The following MAST2 variants were observed in gnomAD, a reference collection of about 807,000 sequenced individuals.
MAST2 encodes microtubule-associated serine/threonine-protein kinase 2.
Under a neutral mutation model 147.4 loss-of-function variants are expected in MAST2, and 70 were observed. The ratio of observed to expected loss-of-function variants is 0.47; its 90% CI spans 0.39 to 0.58. The LOEUF is 0.58. MAST2 is among the 20% of genes least tolerant of loss of function. MAST2 has a pLI of 0.00. For synonymous variants in MAST2, 869 were observed against 896.8 expected (o/e 0.97, Z 0.55); for missense variants, 2,080 against 2,302.3 (o/e 0.90, Z 1.98).
intron 4 of MAST2, among the ~76,000 whole-genome samples, chr1:45,937,791 TGTAAGCAATTCAAC>T (rs1656511397): frequency 6.7e-6 from 1 of 149,052 alleles, no homozygotes; most frequent in South Asian, 2.1e-4. Flanking sequence ...AATTACCCAT[TGTAAGCAATTCAAC>T]GTAAGCGATT....
At chr1:45,825,906 G>A (rs1044110304) in intron 2 of MAST2, among the ~76,000 whole-genome samples, 5 of 151,860 alleles carry the variant, frequency 3.3e-5, no homozygotes, top group African/African-American at 7.2e-5. Context: ...GCAAAACCCC[G>A]TCTCTACTAA....
intron 4 of MAST2, among the ~76,000 whole-genome samples, chr1:45,906,645 A>G (rs1056763916): frequency 7.4e-5 from 11 of 148,392 alleles, no homozygotes; most frequent in Non-Finnish European, 1.5e-4. Context: ...TATATGATAC[A>G]ATTATATAAT....
chr1:45,884,261 C>T (rs561364565), intron 4 of MAST2, among the ~76,000 whole-genome samples: 5 of 152,000 alleles, frequency 3.3e-5, no homozygotes, highest in Admixed American at 6.6e-5. Context: ...GTAATATCTA[C>T]TCTGGGTCAG....
At chr1:45,816,817 A>G (rs1644470302) in intron 1 of MAST2, among the ~76,000 whole-genome samples, 1 of 152,108 alleles carries the variant, frequency 6.6e-6, no homozygotes, top group East Asian at 1.9e-4. Flanking sequence ...AGCTGGGATT[A>G]CAGGTGTGTG....
intron 5 of MAST2, among the ~76,000 whole-genome samples, chr1:45,963,216 C>G (rs913809925): frequency 3.9e-5 from 6 of 152,140 alleles, no homozygotes; most frequent in Non-Finnish European, 8.8e-5. Context: ...CAGCTTTGTT[C>G]TTTTGGCTTA....
In MAST2 at chr1:46,035,294, G is replaced by C. The variant is rs778959679; in HGVS notation, c.4625G>C (p.Gly1542Ala). The change falls in exon 29 of 29, where the codon GGG (glycine) becomes GCG (alanine). Residue 1542 changes from glycine to alanine, a missense_variant. Coordinates refer to ENST00000361297, the MANE Select transcript of MAST2 (RefSeq NM_015112.3). This position sits in a 1 kb window ranked among gnomAD's most constrained non-coding sequence, Gnocchi z 5.5. ...GCCCCTAAAGGAGCAGGAGAGAGTG[G>C]GGAAGAGGATCCTTTCCCGTCCAGA... is the stretch of plus-strand genomic sequence containing the variant. ...SVAPKGAGES[G>A]EEDPFPSRDP... is the part of the protein sequence containing the mutation. 6.2e-6 allele frequency: 10 copies of C among 1,613,968 alleles called. No individual in the cohort carries two copies. The highest frequency in any genetic ancestry group is 1.7e-5 in the Admixed American group (1 of 60,014).
rs558765934 is a variant in MAST2 at position 46,025,931 on chromosome 1, C to G, written c.1919+116C>G. 37 of 1,322,752 alleles carry G rather than the reference C, an allele frequency of 2.8e-5. No homozygotes were observed. In the South Asian group the frequency reaches 3.9e-4, roughly 14 times the overall value. 81.9% of individuals were successfully genotyped at this position (1,322,752 alleles called of 1,614,324 possible). On this transcript the variant is annotated intron_variant, in intron 16 of 28. Transcript: ENST00000361297. ...AGATGGCTACCGGGAAAACATGCTC[C>G]TGTGTGTGTCCATCTGGGCCTAGTT...
At chr1:45,941,374 C>T (rs759441711) in intron 4 of MAST2, among the ~76,000 whole-genome samples, 40 of 152,182 alleles carry the variant, frequency 2.6e-4, no homozygotes, top group Non-Finnish European at 4.9e-4. Flanking sequence ...ATTCTCCTTC[C>T]TCAGCCTCCC....
chr1:46,029,179 G>C (rs1222336278), intron 18 of MAST2: 1 of 550,612 alleles, frequency 1.8e-6, no homozygotes, highest in African/African-American at 1.9e-5. Flanking sequence ...GGGTGTTCCT[G>C]TCTGTGTATG....
chr1:45,804,439 T>C (rs1644080434), intron 1 of MAST2, among the ~76,000 whole-genome samples: 1 of 152,210 alleles, frequency 6.6e-6, no homozygotes, highest in Non-Finnish European at 1.5e-5. Context: ...GTCAATTTGA[T>C]GTAGTGTTAT....
intron 3 of MAST2, among the ~76,000 whole-genome samples, chr1:45,879,169 A>G (rs1201005389): frequency 6.6e-6 from 1 of 152,156 alleles, no homozygotes; most frequent in African/African-American, 2.4e-5. Context: ...TTGTTAGGGA[A>G]AGGACAGTGT....
chr1:45,991,563 G>A (rs889494003), intron 5 of MAST2, among the ~76,000 whole-genome samples: 37 of 152,114 alleles, frequency 2.4e-4, no homozygotes, highest in African/African-American at 8.0e-4. Context: ...TCAGAGTTTC[G>A]TAATTTACAG....
intron 3 of MAST2, among the ~76,000 whole-genome samples, chr1:45,871,566 A>G (rs1282314792): frequency 6.6e-6 from 1 of 152,052 alleles, no homozygotes; most frequent in Admixed American, 6.6e-5. Context: ...TTCTTAACCC[A>G]TTTTCTGCTT....
chr1:45,890,709 C>T (rs747421407), intron 4 of MAST2, among the ~76,000 whole-genome samples: 4 of 152,186 alleles, frequency 2.6e-5, no homozygotes, highest in Admixed American at 6.5e-5. Context: ...TGGTAAGCTC[C>T]GTGAGGTCAG....
intron 4 of MAST2, among the ~76,000 whole-genome samples, chr1:45,908,417 T>A (rs1651127998): frequency 6.6e-6 from 1 of 152,166 alleles, no homozygotes; most frequent in African/African-American, 2.4e-5. Context: ...ATATAAGCAT[T>A]TAAAGCTATA....
At chr1:45,933,568 CGT>C (rs1486449359) in intron 4 of MAST2, among the ~76,000 whole-genome samples, 1 of 147,992 alleles carries the variant, frequency 6.8e-6, no homozygotes, top group African/African-American at 2.5e-5. Context: ...GGTGAAAACC[CGT>C]CTCTACTAAA....
intron 3 of MAST2, among the ~76,000 whole-genome samples, chr1:45,881,025 T>C (rs1646823806): frequency 6.7e-6 from 1 of 150,040 alleles, no homozygotes; most frequent in Admixed American, 6.7e-5. Flanking sequence ...GAAGAAAATA[T>C]AAGCACATAT....
In MAST2 at chr1:46,023,310, C is replaced by T. The variant is rs756129442; in HGVS notation, c.1563C>T (p.Gly521=). ...AGACCATTAAGCTCATCAGCAATGGCGCCTATGGGTAAAGGCAGGGGTCAG... is the reference window on the plus strand; with the variant it reads ...AGACCATTAAGCTCATCAGCAATGGTGCCTATGGGTAAAGGCAGGGGTCAG... ...DFETIKLISN[G]AYGAVFLVRH... is the part of the protein sequence containing the mutation. The change falls in exon 14 of 29, where the codon GGC becomes GGT. Residue 521 remains glycine, a synonymous_variant. Coordinates refer to ENST00000361297, the MANE Select transcript of MAST2 (RefSeq NM_015112.3). This position sits in a 1 kb window ranked among gnomAD's most constrained non-coding sequence, Gnocchi z 4.9. 12 of 1,613,854 alleles carry T rather than the reference C, an allele frequency of 7.4e-6. No homozygotes were observed. The highest frequency in any genetic ancestry group is 1.3e-5 in the African/African-American group (1 of 74,904).
chr1:46,033,552 G>A (rs1646769522), intron 26 of MAST2, among the ~76,000 whole-genome samples: 1 of 152,200 alleles, frequency 6.6e-6, no homozygotes, highest in South Asian at 2.1e-4. Flanking sequence ...CTTCTGAGCT[G>A]TGGGTAGGGC....
Sources: gnomAD v4.1 joint callset for allele counts (sites outside exome capture counted in the v4.1 genomes callset) on GRCh38, gnomAD v4.1.1 for gene constraint, Gnocchi (gnomAD v3.1) non-coding constraint, MANE v1.5 for transcripts, NCBI Gene and HGNC (gene_info 2026-07-23, HGNC 2026-07-21) for gene names.